The following AK7 variants were observed in gnomAD, a reference collection of about 807,000 sequenced individuals.
The protein encoded by AK7 is ATP-AMP transphosphorylase 7.
Under a neutral mutation model 96.6 loss-of-function variants are expected in AK7, and 78 were observed. The ratio of observed to expected loss-of-function variants is 0.81; its 90% CI spans 0.67 to 0.97. The LOEUF (loss-of-function observed/expected upper bound fraction) is 0.97, where lower values mean the gene tolerates loss of function less well. Among genes scored for constraint, AK7 ranks in the 50% least tolerant of loss-of-function variants. The pLI, the probability that AK7 is intolerant of heterozygous loss-of-function variation, is 0.00. For synonymous variants in AK7, 302 were observed against 317.2 expected (o/e 0.95, Z 0.51); for missense variants, 855 against 887.9 (o/e 0.96, Z 0.47).
intron 5 of AK7, among the ~76,000 whole-genome samples, chr14:96,430,353 T>G (rs1183637836): frequency 1.3e-5 from 2 of 151,812 alleles, no homozygotes; most frequent in African/African-American, 4.8e-5. Context: ...GCCTGGCTAA[T>G]TTTTTGTATT....
At position 96,483,032 on chromosome 14, in the gene AK7, T is replaced by A. The variant is rs761694168; in HGVS notation, c.1787T>A (p.Leu596His). The A allele has an allele frequency of 1.2e-6, 2 of 1,614,218 alleles. No homozygotes were observed. The highest frequency in any genetic ancestry group is 8.5e-7 in the Non-Finnish European group (1 of 1,180,042). The change falls in exon 16 of 18, where the codon CTT becomes CAT. Residue 596 changes from leucine (L) to histidine (H), a missense_variant. Coordinates refer to ENST00000267584, the MANE Select transcript of AK7 (RefSeq NM_152327.5). ...VGKLEDAQNR[L>H]AIKQLIKEIG... ...AAACTTGAAGATGCTCAGAATAGAC[T>A]TGCTATCAAACAGCTCATCAAAGAG...
At chr14:96,409,986 C>G (rs754388313) in intron 4 of AK7, among the ~76,000 whole-genome samples, 5 of 152,152 alleles carry the variant, frequency 3.3e-5, no homozygotes. Context: ...TCCTGGCTGA[C>G]CACAATGATA....
Position 96,434,171 on chromosome 14 carries a change from G to A in AK7, c.610-3664G>A, listed in dbSNP as rs117130043. The stretch of plus-strand genomic sequence containing the variant: ...TTAGGTATTTATTGTTGTCTTCACC[G>A]TCTGGGCTTGTTTGTACCTGTCCCT... On this transcript the variant is annotated intron_variant, in intron 5 of 17. Coordinates refer to ENST00000267584, the MANE Select transcript of AK7 (RefSeq NM_152327.5). Among the ~76,000 whole-genome samples the A allele has an allele frequency of 2.0e-4, 30 of 152,282 alleles. No individual in the cohort carries two copies. The East Asian group carries it at 5.4e-3, about 27-fold the overall frequency.
chr14:96,451,010 G>T (rs1191286720), intron 9 of AK7, among the ~76,000 whole-genome samples: 1 of 150,898 alleles, frequency 6.6e-6, no homozygotes, highest in Non-Finnish European at 1.5e-5. Context: ...ACCTGACCTT[G>T]TGATCTGCCC....
chr14:96,433,729 C>A (rs956962939), intron 5 of AK7, among the ~76,000 whole-genome samples: 1 of 152,150 alleles, frequency 6.6e-6, no homozygotes, highest in East Asian at 1.9e-4. Context: ...CAAGGAGCTG[C>A]GATCCTTTGG....
intron 5 of AK7, among the ~76,000 whole-genome samples, chr14:96,426,173 C>CA (rs759816774): frequency 6.6e-6 from 1 of 151,990 alleles, no homozygotes; most frequent in Non-Finnish European, 1.5e-5. Context: ...ATTTTTTGTG[C>CA]AACCATTGTA....
intron 12 of AK7, among the ~76,000 whole-genome samples, chr14:96,467,061 A>AAG (rs1378908469): frequency 6.6e-6 from 1 of 151,784 alleles, no homozygotes; most frequent in African/African-American, 2.4e-5. Flanking sequence ...AAAAAAAAAA[A>AAG]AGGCAAAGGT....
chr14:96,423,995 T>A, intron 5 of AK7: 1 of 851,458 alleles, frequency 1.2e-6, no homozygotes, highest in Non-Finnish European at 2.0e-6. Flanking sequence ...TCCTTCCTGC[T>A]TGGAGCATCC....
At chr14:96,482,876 A>G (rs1895573972) in intron 15 of AK7, 123 bp from the exon 16 acceptor site, 1 of 994,466 alleles carries the variant, frequency 1.0e-6, no homozygotes, top group Admixed American at 2.6e-5. Context: ...CAATTAGAAA[A>G]GAAAACCCTA....
At chr14:96,415,664 TA>T (rs1891285186) in intron 4 of AK7, among the ~76,000 whole-genome samples, 1 of 151,832 alleles carries the variant, frequency 6.6e-6, no homozygotes, top group African/African-American at 2.4e-5. Context: ...CCAAATGGAT[TA>T]AAACTGCACA....
chr14:96,441,999 A>C (rs961503754), intron 6 of AK7, among the ~76,000 whole-genome samples: 1 of 152,158 alleles, frequency 6.6e-6, no homozygotes, highest in East Asian at 1.9e-4. Context: ...GAACCCTTCA[A>C]TACTTTCTGA....
intron 1 of AK7, among the ~76,000 whole-genome samples, chr14:96,393,982 G>A (rs143197299): frequency 3.5e-4 from 54 of 152,156 alleles, no homozygotes; most frequent in Middle Eastern, 6.8e-3. Flanking sequence ...GGTGGCAGGC[G>A]CCTATAATCT....
rs747194871 is a variant in AK7 at position 96,441,657 on chromosome 14, A to AG, written c.691-1073_691-1072insG. Among the ~76,000 whole-genome samples, 853 of 151,436 alleles carry AG rather than the reference A, an allele frequency of 5.6e-3. 7 individuals are homozygous for AG. Among genetic ancestry groups the AG allele is most frequent in the Non-Finnish European group, 8.0e-3 (546 of 67,862 alleles). ...GACTCCGTCTCAAAAAAAAAAAAAAAAAAAAGAAAACAAAATAAAATCTTT... is the reference window on the plus strand; with the variant it reads ...GACTCCGTCTCAAAAAAAAAAAAAAAGAAAAAGAAAACAAAATAAAATCTTT... On this transcript the variant is annotated intron_variant, in intron 6 of 17. Coordinates refer to ENST00000267584, the MANE Select transcript of AK7 (RefSeq NM_152327.5).
At chr14:96,432,561 C>T (rs538941355) in intron 5 of AK7, among the ~76,000 whole-genome samples, 5 of 151,976 alleles carry the variant, frequency 3.3e-5, no homozygotes, top group Non-Finnish European at 7.4e-5. Context: ...TTCCTTGAGC[C>T]CTTGTAAGGC....
intron 10 of AK7, among the ~76,000 whole-genome samples, chr14:96,454,521 A>G (rs370635360): frequency 3.8e-4 from 58 of 151,988 alleles, no homozygotes; most frequent in African/African-American, 1.3e-3. Context: ...TCTGTTGCCC[A>G]GGTTGGAGTG....
intron 5 of AK7, 138 bp from the exon 6 acceptor site, chr14:96,437,697 G>T: frequency 6.1e-5 from 36 of 589,806 alleles, no homozygotes; most frequent in Admixed American, 1.3e-4. Context: ...GATAGGATTT[G>T]TATCCCGAAC....
intron 14 of AK7, among the ~76,000 whole-genome samples, chr14:96,474,378 G>A (rs918832312): frequency 2.0e-5 from 3 of 151,560 alleles, no homozygotes; most frequent in African/African-American, 7.3e-5. Flanking sequence ...GAAGGTCAAG[G>A]TGGGAGGATC....
chr14:96,438,768 G>A (rs576705860), intron 6 of AK7, among the ~76,000 whole-genome samples: 17 of 152,288 alleles, frequency 1.1e-4, no homozygotes, highest in African/African-American at 3.4e-4. Context: ...TGCTGAGGAT[G>A]TACTATTTGG....
At chr14:96,487,078 A>G (rs201936910) in intron 17 of AK7, 22 bp downstream of exon 17, 265 of 1,613,420 alleles carry the variant, frequency 1.6e-4, no homozygotes, top group Admixed American at 3.0e-4. Flanking sequence ...AATTTTTAAA[A>G]AAAGATCAAT....
Sources: gnomAD v4.1 joint callset for allele counts (sites outside exome capture counted in the v4.1 genomes callset) on GRCh38, gnomAD v4.1.1 for gene constraint, MANE v1.5 for transcripts, NCBI Gene and HGNC (gene_info 2026-07-23, HGNC 2026-07-21) for gene names.